ATP2B2: variants seen among roughly 807,000 people sequenced by gnomAD.
The protein encoded by ATP2B2 is ATPase plasma membrane Ca2+ transporting 2.
ATP2B2 carries 15 observed loss-of-function variants against 120.0 expected under a neutral mutation model. That is an observed-to-expected ratio of 0.12 (90% confidence interval 0.08 to 0.19). ATP2B2 has a LOEUF of 0.19. Ranked by LOEUF, ATP2B2 falls within the 10% of genes least tolerant of loss-of-function variation. The pLI, the probability that ATP2B2 is intolerant of heterozygous loss-of-function variation, is 1.00. For missense variants in ATP2B2, 1,045 were observed against 1,719.8 expected (o/e 0.61, Z 6.94); for synonymous variants, 694 against 700.3 (o/e 0.99, Z 0.14).
At chr3:10,596,492 C>A (rs748039417) in intron 2 of ATP2B2, among the ~76,000 whole-genome samples, 15 of 152,192 alleles carry the variant, frequency 9.9e-5, no homozygotes, top group Non-Finnish European at 2.2e-4. Flanking sequence ...AAGGGAGATG[C>A]CAAGGCTTTG....
chr3:10,503,726 C>T lies in ATP2B2; in HGVS notation c.-320+1739G>A, dbSNP rs114912789. On this transcript the variant is annotated intron_variant, in intron 1 of 22. Transcript: ENST00000360273. Reference sequence around the variant, plus strand: ...GTGCCTGCCAATGCACGGGCAGGCACGCAGATGGCATTCAGAGCCCCACAT... The same window carrying T: ...GTGCCTGCCAATGCACGGGCAGGCATGCAGATGGCATTCAGAGCCCCACAT... 1.8e-3 allele frequency among the ~76,000 whole-genome samples: 271 copies of T among 152,384 alleles called. 1 individual carries two copies. The highest frequency in any genetic ancestry group is 6.2e-3 in the African/African-American group (256 of 41,598).
At chr3:10,337,161 T>G (rs2060139990) in intron 22 of ATP2B2, among the ~76,000 whole-genome samples, 1 of 151,428 alleles carries the variant, frequency 6.6e-6, no homozygotes, top group South Asian at 2.1e-4. Flanking sequence ...ACTGGGGGAG[T>G]CACATCTACC....
intron 2 of ATP2B2, among the ~76,000 whole-genome samples, chr3:10,557,684 G>A (rs1183796314): frequency 3.9e-5 from 6 of 152,260 alleles, no homozygotes; most frequent in African/African-American, 1.4e-4. Context: ...GACTGGAGTG[G>A]GGCCTGTGTA....
rs781031214 is a variant in ATP2B2 at position 10,328,792 on chromosome 3, G to A, written c.*22C>T. 1.1e-5 allele frequency: 18 copies of A among 1,587,980 alleles called. No homozygotes were observed. In the South Asian group the frequency reaches 1.5e-4, roughly 13 times the overall value. ...GGCAGCGGGGTCCATGAGGGCGGGC[G>A]GGCAGGCGAGAGGGTCCTCAGCTAA... is the stretch of plus-strand genomic sequence containing the variant. On this transcript the variant is annotated 3_prime_UTR_variant, in exon 23 of 23. Coordinates refer to ENST00000360273, the MANE Select transcript of ATP2B2 (RefSeq NM_001001331.4).
intron 3 of ATP2B2, among the ~76,000 whole-genome samples, chr3:10,513,549 G>A (rs2066817939): frequency 6.6e-6 from 1 of 152,170 alleles, no homozygotes; most frequent in East Asian, 1.9e-4. Context: ...TCTGCAATGC[G>A]GCAGTGCAGC....
intron 2 of ATP2B2, among the ~76,000 whole-genome samples, chr3:10,571,659 C>T (rs1446524698): frequency 1.3e-5 from 2 of 152,170 alleles, no homozygotes; most frequent in African/African-American, 4.8e-5. Flanking sequence ...TTTGGATGGG[C>T]TTGGAAGGGG....
intron 2 of ATP2B2, among the ~76,000 whole-genome samples, chr3:10,417,177 C>A (rs951283756): frequency 1.3e-5 from 2 of 151,820 alleles, no homozygotes; most frequent in Non-Finnish European, 2.9e-5. Context: ...GGACTCCTCA[C>A]TTCCCAGAGG....
rs1024096905 is a variant in ATP2B2, at chr3:10,326,963, A to G, written c.*1851T>C. On this transcript the variant is annotated 3_prime_UTR_variant, in exon 23 of 23. Coordinates refer to ENST00000360273, the MANE Select transcript of ATP2B2 (RefSeq NM_001001331.4). ...TGAGGAGGGTCAGCATGAGGAATGG[A>G]TTTTGCAAGAGAGGCGGAAAGTGTT... 2.5e-6 allele frequency: 1 copy of G among 398,286 alleles called. No homozygotes were observed. Among genetic ancestry groups the G allele is most frequent in the African/African-American group, 2.1e-5 (1 of 48,622 alleles). 24.7% of individuals were successfully genotyped at this position (398,286 alleles called of 1,614,324 possible). A position where few individuals can be genotyped will look rare whatever the true frequency, so the allele number is the denominator to read the frequency against.
intron 22 of ATP2B2, chr3:10,331,811 A>T: frequency 1.9e-6 from 1 of 532,626 alleles, no homozygotes; most frequent in Non-Finnish European, 3.2e-6. Flanking sequence ...TGGTTTCGTC[A>T]GCACAAAGGG....
intron 3 of ATP2B2, among the ~76,000 whole-genome samples, chr3:10,518,684 C>T (rs902011157): frequency 3.3e-5 from 5 of 152,354 alleles, no homozygotes; most frequent in East Asian, 3.9e-4. Context: ...CCCCTCGCCT[C>T]GCGTATTTAT....
chr3:10,414,194 C>T (rs894120855), intron 2 of ATP2B2, among the ~76,000 whole-genome samples: 1 of 152,192 alleles, frequency 6.6e-6, no homozygotes, highest in African/African-American at 2.4e-5. Flanking sequence ...TGGGCCCTGC[C>T]TGATTGATTC....
At position 10,464,947 on chromosome 3, in the gene ATP2B2, C is replaced by T. The variant is rs183169752; in HGVS notation, c.-319-15085G>A. ...AGAGGACTCACCTTCCTAAGCCTGCCACCCACCTCTACCCCAGGGATGGAT... is the reference window on the plus strand; with the variant it reads ...AGAGGACTCACCTTCCTAAGCCTGCTACCCACCTCTACCCCAGGGATGGAT... On this transcript the variant is annotated intron_variant, in intron 1 of 22. Coordinates refer to ENST00000360273, the MANE Select transcript of ATP2B2 (RefSeq NM_001001331.4). Among the ~76,000 whole-genome samples, 179 of 152,362 alleles carry T rather than the reference C, an allele frequency of 1.2e-3. 1 individual carries two copies. The highest frequency in any genetic ancestry group is 1.0e-2 in the Admixed American group (153 of 15,314).
intron 1 of ATP2B2, among the ~76,000 whole-genome samples, chr3:10,499,306 G>A (rs2066285405): frequency 6.6e-6 from 1 of 152,312 alleles, no homozygotes; most frequent in East Asian, 1.9e-4. Flanking sequence ...GCCAAGCCCT[G>A]TACTTGGATC....
chr3:10,340,126 A>C lies in ATP2B2; in HGVS notation c.3237+116T>G. 1 of 932,574 alleles carries C rather than the reference A, an allele frequency of 1.1e-6. No homozygotes were observed. Among genetic ancestry groups the C allele is most frequent in the Non-Finnish European group, 1.7e-6 (1 of 589,034 alleles). The allele number at this position is 932,574 out of a possible 1,614,324, so 57.8% of individuals were successfully genotyped here. On this transcript the variant is annotated intron_variant, in intron 21 of 22. Coordinates refer to ENST00000360273, the MANE Select transcript of ATP2B2 (RefSeq NM_001001331.4). This position sits in a 1 kb window ranked among gnomAD's most constrained non-coding sequence, Gnocchi z 5.0. The stretch of plus-strand genomic sequence containing the variant: ...CCCCCTTGCTCAGATGTCCAGAGAT[A>C]GGGAGGAGCTTGCCTGGGGTCTGGC...
At chr3:10,701,291 T>G (rs1000676806) in intron 1 of ATP2B2, among the ~76,000 whole-genome samples, 2 of 152,230 alleles carry the variant, frequency 1.3e-5, no homozygotes, top group Non-Finnish European at 2.9e-5. Flanking sequence ...ACCTATATGC[T>G]GCACCCTCCT....
intron 1 of ATP2B2, among the ~76,000 whole-genome samples, chr3:10,485,137 A>G (rs1001854392): frequency 6.6e-6 from 1 of 152,232 alleles, no homozygotes; most frequent in Admixed American, 6.5e-5. Flanking sequence ...GGGGGTCTTC[A>G]GGAGGCCAGT....
rs1346124536 is a variant in ATP2B2, at chr3:10,410,793, G to T, written c.222C>A (p.Asp74Glu). The change falls in exon 3 of 23, where the codon GAC (aspartate) becomes GAA (glutamate). Residue 74 changes from aspartate to glutamate, a missense_variant. Physicochemically the swap from Asp to Glu is conservative, Grantham distance 45. Around this residue, in one of 11 missense-constraint regions of ATP2B2, gnomAD observed 139 missense variants for 134.2 expected, o/e 1.04. Coordinates refer to ENST00000360273, the MANE Select transcript of ATP2B2 (RefSeq NM_001001331.4). ...PVEGLPGTAP[D>E]LEKRKQIFGQ... The stretch of plus-strand genomic sequence containing the variant: ...CAAAAATTTGCTTTCTCTTTTCCAG[G>T]TCTGGAGCGGTGCCCGGCAAACCTG... 3 of 1,614,044 alleles carry T rather than the reference G, an allele frequency of 1.9e-6. No homozygotes were observed. The highest frequency in any genetic ancestry group is 2.5e-6 in the Non-Finnish European group (3 of 1,180,046).
At chr3:10,622,783 C>T (rs776764829) in intron 1 of ATP2B2, among the ~76,000 whole-genome samples, 1 of 152,158 alleles carries the variant, frequency 6.6e-6, no homozygotes, top group Non-Finnish European at 1.5e-5. Context: ...AGCCACTGCC[C>T]CAGAAGAGCA....
intron 1 of ATP2B2, among the ~76,000 whole-genome samples, chr3:10,468,992 T>C (rs1009848016): frequency 6.6e-6 from 1 of 151,924 alleles, no homozygotes; most frequent in Non-Finnish European, 1.5e-5. Context: ...AAAGCTAACG[T>C]CTCCACACGA....
Sources: allele counts gnomAD v4.1 joint callset (sites outside exome capture counted in the v4.1 genomes callset), GRCh38; gene constraint gnomAD v4.1.1; regional missense constraint gnomAD v4.1.1; non-coding constraint Gnocchi (gnomAD v3.1); transcripts MANE v1.5; gene names NCBI Gene and HGNC (gene_info 2026-07-23, HGNC 2026-07-21).